NXPH1: variants seen among roughly 807,000 people sequenced by gnomAD.
The protein encoded by NXPH1 is neurexophilin-1.
Under a neutral mutation model 23.7 loss-of-function variants are expected in NXPH1, and 5 were observed. The ratio of observed to expected loss-of-function variants is 0.21; its 90% CI spans 0.11 to 0.44. The LOEUF (loss-of-function observed/expected upper bound fraction) is 0.44, where lower values mean the gene tolerates loss of function less well. NXPH1 is among the 20% of genes least tolerant of loss of function. The pLI, the probability that NXPH1 is intolerant of heterozygous loss-of-function variation, is 0.99. For missense variants in NXPH1, 324 were observed against 321.6 expected (o/e 1.01, Z -0.06); for synonymous variants, 144 against 122.2 (o/e 1.18, Z -1.18).
rs191543146 is a variant in NXPH1, at chr7:8,693,376, A to C, written c.55-57632A>C. Among the ~76,000 whole-genome samples, 282 of 152,296 alleles carry C rather than the reference A, an allele frequency of 1.9e-3. 1 individual carries two copies. Among genetic ancestry groups the C allele is most frequent in the Non-Finnish European group, 2.3e-3 (156 of 68,024 alleles). Reference sequence around the variant, plus strand: ...CTTCCTATCATGCTTCTTTCAACACAGAATTGCCTTTGAGTCTCAATTTTT... The same window carrying C: ...CTTCCTATCATGCTTCTTTCAACACCGAATTGCCTTTGAGTCTCAATTTTT... On this transcript the variant is annotated intron_variant, in intron 2 of 2. Transcript: ENST00000405863.
intron 2 of NXPH1, among the ~76,000 whole-genome samples, chr7:8,685,064 C>G (rs1821124508): frequency 6.6e-6 from 1 of 152,228 alleles, no homozygotes; most frequent in Middle Eastern, 3.4e-3. Context: ...TCCCTTCCCT[C>G]TCCTGCCAGT....
At position 8,601,916 on chromosome 7, in the gene NXPH1, C is replaced by T. The variant is rs142995126; in HGVS notation, c.55-149092C>T. On this transcript the variant is annotated intron_variant, in intron 2 of 2. Coordinates refer to ENST00000405863, the MANE Select transcript of NXPH1 (RefSeq NM_152745.3). ...AATCAGTTACAATAAAAGTCCAGAC[C>T]GAAGACCAATGGCCACATTTTAGCT... 1.0e-3 allele frequency among the ~76,000 whole-genome samples: 154 copies of T among 152,292 alleles called. No homozygotes were observed. In the Middle Eastern group the frequency reaches 0.024, roughly 24 times the overall value.
chr7:8,595,152 G>A (rs1819192953), intron 2 of NXPH1, among the ~76,000 whole-genome samples: 1 of 151,754 alleles, frequency 6.6e-6, no homozygotes. Context: ...AATGACATTT[G>A]GTTTTCTCTA....
intron 2 of NXPH1, among the ~76,000 whole-genome samples, chr7:8,616,477 C>T (rs916241022): frequency 1.3e-5 from 2 of 152,066 alleles, no homozygotes; most frequent in Non-Finnish European, 2.9e-5. Flanking sequence ...TTAAAAACAT[C>T]ATGGGATCAG....
chr7:8,738,233 A>C (rs1780295731), intron 2 of NXPH1, among the ~76,000 whole-genome samples: 1 of 152,148 alleles, frequency 6.6e-6, no homozygotes, highest in African/African-American at 2.4e-5. Flanking sequence ...TTGGAATTTC[A>C]GTCTTTTGCA....
chr7:8,488,448 TC>T (rs1817197382), intron 2 of NXPH1, among the ~76,000 whole-genome samples: 1 of 152,120 alleles, frequency 6.6e-6, no homozygotes, highest in Non-Finnish European at 1.5e-5. Context: ...TAAGTGATTT[TC>T]CCAGAAGCAT....
At chr7:8,584,869 T>C (rs1818951215) in intron 2 of NXPH1, among the ~76,000 whole-genome samples, 1 of 152,260 alleles carries the variant, frequency 6.6e-6, no homozygotes, top group African/African-American at 2.4e-5. Context: ...TACTTTGTAC[T>C]ATGTATCTTA....
intron 2 of NXPH1, among the ~76,000 whole-genome samples, chr7:8,629,640 T>C (rs1039510617): frequency 3.3e-5 from 5 of 152,124 alleles, no homozygotes; most frequent in Non-Finnish European, 7.3e-5. Flanking sequence ...CTCCATAGTA[T>C]TGTCTGTAAA....
chr7:8,612,274 AT>A (rs1240510690), intron 2 of NXPH1, among the ~76,000 whole-genome samples: 2 of 115,690 alleles, frequency 1.7e-5, no homozygotes, highest in East Asian at 2.4e-4. Flanking sequence ...CCTTCCTTCC[AT>A]TTTTTTTTCT....
intron 2 of NXPH1, among the ~76,000 whole-genome samples, chr7:8,448,963 C>A (rs1458199704): frequency 6.6e-6 from 1 of 151,996 alleles, no homozygotes; most frequent in Non-Finnish European, 1.5e-5. Context: ...TTCCATGTGG[C>A]AAACACTATG....
chr7:8,691,117 C>T (rs1821214921), intron 2 of NXPH1, among the ~76,000 whole-genome samples: 1 of 152,076 alleles, frequency 6.6e-6, no homozygotes, highest in Admixed American at 6.6e-5. Context: ...TCCTAACTTT[C>T]CAATGAGTTC....
chr7:8,640,207 C>T (rs968470827), intron 2 of NXPH1, among the ~76,000 whole-genome samples: 72 of 152,074 alleles, frequency 4.7e-4, no homozygotes, highest in Middle Eastern at 3.4e-3. Flanking sequence ...ATCTAACTTA[C>T]GAAGATTTCA....
intron 2 of NXPH1, among the ~76,000 whole-genome samples, chr7:8,664,047 CT>C (rs1374856065): frequency 4.6e-5 from 7 of 151,882 alleles, no homozygotes; most frequent in East Asian, 3.9e-4. Context: ...TCTTGTTACC[CT>C]TTTTACTGAA....
intron 2 of NXPH1, among the ~76,000 whole-genome samples, chr7:8,704,482 C>T (rs1779673282): frequency 6.6e-6 from 1 of 152,108 alleles, no homozygotes; most frequent in South Asian, 2.1e-4. Flanking sequence ...AAGTCACTCT[C>T]TTCTATAAGC....
At chr7:8,574,214 G>T (rs757084124) in intron 2 of NXPH1, among the ~76,000 whole-genome samples, 1 of 152,070 alleles carries the variant, frequency 6.6e-6, no homozygotes, top group Non-Finnish European at 1.5e-5. Context: ...CATCTGAAAA[G>T]CTAAATAAAA....
At chr7:8,693,119 G>T (rs1372765948) in intron 2 of NXPH1, among the ~76,000 whole-genome samples, 1 of 152,104 alleles carries the variant, frequency 6.6e-6, no homozygotes, top group Non-Finnish European at 1.5e-5. Flanking sequence ...AAGAAGAAGG[G>T]AGAGTCTCAT....
At chr7:8,733,445 G>A (rs1441319949) in intron 2 of NXPH1, among the ~76,000 whole-genome samples, 1 of 152,140 alleles carries the variant, frequency 6.6e-6, no homozygotes, top group Non-Finnish European at 1.5e-5. Flanking sequence ...AGATCCTTGA[G>A]GAATCGCCAC....
At chr7:8,722,542 G>A (rs901741022) in intron 2 of NXPH1, among the ~76,000 whole-genome samples, 2 of 152,132 alleles carry the variant, frequency 1.3e-5, no homozygotes, top group Non-Finnish European at 2.9e-5. Flanking sequence ...CAATAGACTA[G>A]GTTAATGCCT....
intron 2 of NXPH1, among the ~76,000 whole-genome samples, chr7:8,447,123 A>G (rs1816419471): frequency 1.3e-5 from 2 of 152,184 alleles, no homozygotes; most frequent in Non-Finnish European, 2.9e-5. Context: ...AATTAATCCT[A>G]AGTTTAATTC....
Sources: allele counts gnomAD v4.1 joint callset (sites outside exome capture counted in the v4.1 genomes callset), GRCh38; gene constraint gnomAD v4.1.1; transcripts MANE v1.5; gene names NCBI Gene and HGNC (gene_info 2026-07-23, HGNC 2026-07-21).